C7orf57: variants seen among roughly 807,000 people sequenced by gnomAD.
The protein encoded by C7orf57 is chromosome 7 open reading frame 57.
Under a neutral mutation model 39.0 loss-of-function variants are expected in C7orf57, and 33 were observed. That is an observed-to-expected ratio of 0.85 (90% CI 0.64 to 1.13). C7orf57 has a LOEUF of 1.13. Ranked by LOEUF, C7orf57 falls within the 50% of genes most tolerant of loss-of-function variation. The probability of loss-of-function intolerance (pLI) is 0.00; values close to 1 mark genes in which losing one functional copy is unlikely to be tolerated. For missense variants in C7orf57, 346 were observed against 362.3 expected (o/e 0.95, Z 0.37); for synonymous variants, 124 against 137.1 (o/e 0.90, Z 0.67).
chr7:48,046,388 T>G, intron 4 of C7orf57, 72 bp from the exon 5 acceptor site: 10 of 1,406,408 alleles, frequency 7.1e-6, no homozygotes, highest in African/African-American at 1.4e-5. Context: ...GAGCCAGCGA[T>G]GGAGATGGAA....
At chr7:48,044,772 C>T (rs990888674) in intron 4 of C7orf57, among the ~76,000 whole-genome samples, 1 of 152,280 alleles carries the variant, frequency 6.6e-6, no homozygotes, top group South Asian at 2.1e-4. Flanking sequence ...GGGGAGCCAT[C>T]GTTCCCATAA....
At chr7:48,039,308 C>T (rs1790476646) in intron 2 of C7orf57, among the ~76,000 whole-genome samples, 1 of 152,178 alleles carries the variant, frequency 6.6e-6, no homozygotes, top group East Asian at 1.9e-4. Flanking sequence ...TCTCTGACTG[C>T]CACAGAGAGT....
rs1376807440 is a variant in C7orf57, at chr7:48,061,056, GT to G, written c.*785del. 2.0e-5 allele frequency: 3 copies of G among 152,036 alleles called. No individual in the cohort carries two copies. Among genetic ancestry groups the G allele is most frequent in the Non-Finnish European group, 4.4e-5 (3 of 67,986 alleles). 9.4% of individuals were successfully genotyped at this position (152,036 alleles called of 1,614,324 possible). ...TTGATTAATAAAATAATAATTTTAT[GT>G]GAGAATGTTTTCAAAAAGCCAAATA... On this transcript the variant is annotated 3_prime_UTR_variant, in exon 9 of 9. Transcript: ENST00000348904.
chr7:48,053,118 A>G (rs570908848), intron 7 of C7orf57, 195 bp downstream of exon 7: 2 of 691,630 alleles, frequency 2.9e-6, no homozygotes, highest in East Asian at 2.8e-5. Flanking sequence ...TCTTTATTCA[A>G]ATGAATAGCG....
At chr7:48,056,141 T>C (rs1162878175) in intron 8 of C7orf57, among the ~76,000 whole-genome samples, 1 of 152,218 alleles carries the variant, frequency 6.6e-6, no homozygotes, top group African/African-American at 2.4e-5. Flanking sequence ...TTTCATCTTT[T>C]TGATAATAGC....
intron 2 of C7orf57, among the ~76,000 whole-genome samples, chr7:48,036,931 GT>G (rs34982671): frequency 0.33 from 49,402 of 148,304 alleles, 8,956 homozygotes; most frequent in Middle Eastern, 0.51. Flanking sequence ...TGTCTTCTGG[GT>G]TTTTTTTTTT....
intron 7 of C7orf57, chr7:48,053,186 C>A: frequency 1.8e-6 from 1 of 569,816 alleles, no homozygotes; most frequent in East Asian, 3.8e-5. Context: ...TTTTGATAGT[C>A]CATTTGATAT....
Position 48,046,457 on chromosome 7 carries a change from C to T in C7orf57, c.351-3C>T. The T allele has an allele frequency of 6.2e-7, 1 of 1,611,934 alleles. No individual in the cohort carries two copies. Among genetic ancestry groups the T allele is most frequent in the South Asian group, 1.1e-5 (1 of 90,650 alleles). On this transcript the variant is annotated splice_region_variant and splice_polypyrimidine_tract_variant and intron_variant, in intron 4 of 8. Transcript: ENST00000348904. ...AGGCTGTAACTGGTGTCTGTCCTTGCAGAGTGCGGGCTGTCTCCATGCCGG... is the reference window on the plus strand; with the variant it reads ...AGGCTGTAACTGGTGTCTGTCCTTGTAGAGTGCGGGCTGTCTCCATGCCGG...
chr7:48,047,355 T>C (rs1406397218), intron 5 of C7orf57, among the ~76,000 whole-genome samples: 3 of 152,198 alleles, frequency 2.0e-5, no homozygotes, highest in Non-Finnish European at 4.4e-5. Flanking sequence ...CAAATAACAA[T>C]AGTGTTTGAT....
chr7:48,041,558 C>A (rs572013003), intron 3 of C7orf57, 39 bp downstream of exon 3: 72 of 1,486,730 alleles, frequency 4.8e-5, no homozygotes, highest in Non-Finnish European at 6.0e-5. Context: ...GGCAGCCTCG[C>A]GGGCGGTGAG....
chr7:48,058,856 C>A (rs945715133), intron 8 of C7orf57, among the ~76,000 whole-genome samples: 4 of 152,170 alleles, frequency 2.6e-5, no homozygotes, highest in Non-Finnish European at 4.4e-5. Context: ...AAGGGACGAT[C>A]ATTTGGCATT....
chr7:48,045,128 C>A (rs1236128755), intron 4 of C7orf57, among the ~76,000 whole-genome samples: 3 of 152,184 alleles, frequency 2.0e-5, no homozygotes, highest in Non-Finnish European at 4.4e-5. Context: ...GTTTTCCGTC[C>A]TCCTGGGACC....
At chr7:48,040,340 G>A (rs1458352156) in intron 2 of C7orf57, among the ~76,000 whole-genome samples, 7 of 152,110 alleles carry the variant, frequency 4.6e-5, no homozygotes, top group Non-Finnish European at 8.8e-5. Flanking sequence ...TGGCTTCTTC[G>A]TGGGACCTTT....
Position 48,035,570 on chromosome 7 carries a change from C to G in C7orf57, c.-162C>G. On this transcript the variant is annotated 5_prime_UTR_variant, in exon 1 of 9. Transcript: ENST00000348904. The surrounding 1 kb of genome is among the most constrained non-coding windows in gnomAD (Gnocchi z 4.0). ...GTTTGGTTGGCTGCAGCCAGCCAGC[C>G]GTGTAAAAACTCCAACGCCGGGCGC... The G allele has an allele frequency of 1.4e-6, 1 of 697,830 alleles. No homozygotes were observed. Among genetic ancestry groups the G allele is most frequent in the Non-Finnish European group, 2.6e-6 (1 of 383,216 alleles). The allele number at this position is 697,830 out of a possible 1,614,324, so 43.2% of individuals were successfully genotyped here. A position where few individuals can be genotyped will look rare whatever the true frequency, so the allele number is the denominator to read the frequency against.
chr7:48,043,857 C>G (rs946269726), intron 4 of C7orf57, among the ~76,000 whole-genome samples: 1 of 151,896 alleles, frequency 6.6e-6, no homozygotes, highest in Non-Finnish European at 1.5e-5. Context: ...GTGTTACCGG[C>G]GGGTCTTCGT....
At chr7:48,043,673 T>C (rs1157894538) in intron 4 of C7orf57, 84 bp downstream of exon 4, 1 of 1,030,418 alleles carries the variant, frequency 9.7e-7, no homozygotes, top group Admixed American at 2.2e-5. Context: ...TACAAATGTC[T>C]AATAGTGGTA....
intron 6 of C7orf57, among the ~76,000 whole-genome samples, 174 bp from the exon 7 acceptor site, chr7:48,052,526 C>A (rs1029328239): frequency 7.9e-5 from 12 of 151,778 alleles, no homozygotes; most frequent in African/African-American, 2.9e-4. Context: ...GAGGGAGAGA[C>A]AAAGGGGCAG....
At chr7:48,051,743 CTTTTTCTTTT>C (rs1562629477) in intron 6 of C7orf57, among the ~76,000 whole-genome samples, 16 of 47,420 alleles carry the variant, frequency 3.4e-4, no homozygotes, top group Admixed American at 5.3e-4. Flanking sequence ...TCTTTTCTTT[CTTTTTCTTTT>C]CTTTCTTTCT....
In C7orf57 at chr7:48,046,533, G is replaced by A; in HGVS notation, c.424G>A (p.Ala142Thr). Reference sequence around the variant, plus strand: ...CCCCGATCAAGCCAATGGTAGCTATGCATCCAGAAGAGGGCCCTTCGACTT... The same window carrying A: ...CCCCGATCAAGCCAATGGTAGCTATACATCCAGAAGAGGGCCCTTCGACTT... The part of the protein sequence containing the change: ...FNPDQANGSY[A>T]SRRGPFDFDM... The change falls in exon 5 of 9, where the codon GCA (alanine) becomes ACA (threonine). Residue 142 changes from alanine to threonine, a missense_variant. Coordinates refer to ENST00000348904, the MANE Select transcript of C7orf57 (RefSeq NM_001100159.3). 6.2e-7 allele frequency: 1 copy of A among 1,613,968 alleles called. No individual in the cohort carries two copies.
Sources: gnomAD v4.1 joint callset for allele counts (sites outside exome capture counted in the v4.1 genomes callset) on GRCh38, gnomAD v4.1.1 for gene constraint, Gnocchi (gnomAD v3.1) non-coding constraint, MANE v1.5 for transcripts, NCBI Gene and HGNC (gene_info 2026-07-23, HGNC 2026-07-21) for gene names.